PFKFB3: variants seen among roughly 807,000 people sequenced by gnomAD.
PFKFB3 encodes the protein 6-phosphofructo-2-kinase/fructose-2,6-bisphosphatase 3.
In PFKFB3, 33 loss-of-function variants were observed where a neutral mutation model predicts 68.0. The observed-to-expected ratio is 0.49, with a 90% confidence interval of 0.37 to 0.65. The LOEUF (loss-of-function observed/expected upper bound fraction) is 0.65. PFKFB3 is among the 30% of genes least tolerant of loss of function. PFKFB3 has a pLI of 0.00. For synonymous variants in PFKFB3, 315 were observed against 288.2 expected (o/e 1.09, Z -0.94); for missense variants, 586 against 712.2 (o/e 0.82, Z 2.02).
At chr10:6,253,999 G>A (rs937110165) in intron 14 of PFKFB3, among the ~76,000 whole-genome samples, 16 of 151,804 alleles carry the variant, frequency 1.1e-4, no homozygotes, top group Non-Finnish European at 2.4e-4. Flanking sequence ...AGCCGAGATC[G>A]TACCACTGCA....
the PFKFB3 span, among the ~76,000 whole-genome samples, chr10:6,287,151 A>G: frequency 2.0e-5 from 3 of 152,094 alleles, no homozygotes; most frequent in Non-Finnish European, 2.9e-5. Context: ...CAGTGGTGCA[A>G]TCTCAGCTCA....
chr10:6,225,109 C>G (rs1845247882), intron 13 of PFKFB3: 19 of 456,106 alleles, frequency 4.2e-5, no homozygotes, highest in South Asian at 2.8e-4. Context: ...GAGTGGGCCT[C>G]TGCTCAGGTG....
chr10:6,208,371 CTTTTT>C lies in PFKFB3; in HGVS notation c.76+5053_76+5057del, dbSNP rs35447462. ...ACAGGTGTAAGCCAGGGTACCTGGC[CTTTTT>C]TTTTTTTTTTTTTTTTTGCCTCTTA... On this transcript the variant is annotated intron_variant, in intron 1 of 14. Coordinates refer to ENST00000379775, the MANE Select transcript of PFKFB3 (RefSeq NM_004566.4). Among the ~76,000 whole-genome samples, 172 of 60,634 alleles carry C rather than the reference CTTTTT, an allele frequency of 2.8e-3. 3 individuals carry two copies. The highest frequency in any genetic ancestry group is 0.014 in the Middle Eastern group (1 of 70). The allele number at this position is 60,634 out of a possible 152,430, so 39.8% of individuals were successfully genotyped here. A position where few individuals can be genotyped will look rare whatever the true frequency, so the allele number is the denominator to read the frequency against.
chr10:6,212,091 G>C (rs1465720978), intron 1 of PFKFB3, among the ~76,000 whole-genome samples: 1 of 152,258 alleles, frequency 6.6e-6, no homozygotes, highest in Non-Finnish European at 1.5e-5. Context: ...TCTGTGTGCG[G>C]CTTTCAGAGG....
intron 1 of PFKFB3, among the ~76,000 whole-genome samples, chr10:6,180,856 G>A (rs11257103): frequency 0.35 from 53,806 of 152,096 alleles, 9,926 homozygotes; most frequent in East Asian, 0.62. Context: ...TACTCTGTGT[G>A]TTAGTTCTCT....
At chr10:6,314,868 C>T in the PFKFB3 span, among the ~76,000 whole-genome samples, 1 of 152,032 alleles carries the variant, frequency 6.6e-6, no homozygotes, top group Admixed American at 6.6e-5. Flanking sequence ...TGGGTCCTAC[C>T]CCAGGACGTC....
intron 14 of PFKFB3, among the ~76,000 whole-genome samples, chr10:6,242,428 CA>C (rs1450855888): frequency 1.3e-5 from 2 of 152,192 alleles, no homozygotes; most frequent in African/African-American, 4.8e-5. Context: ...CCCCTATGTA[CA>C]GAAGCAGGTA....
At chr10:6,274,495 C>T in the PFKFB3 span, among the ~76,000 whole-genome samples, 1 of 152,188 alleles carries the variant, frequency 6.6e-6, no homozygotes, top group Admixed American at 6.5e-5. Context: ...TCAATAGTGG[C>T]AAGTCTGAAA....
At chr10:6,325,606 C>A in the PFKFB3 span, among the ~76,000 whole-genome samples, 1 of 152,058 alleles carries the variant, frequency 6.6e-6, no homozygotes, top group Non-Finnish European at 1.5e-5. Context: ...TTCATGGAGA[C>A]AAAAATTTCC....
the PFKFB3 span, among the ~76,000 whole-genome samples, chr10:6,263,181 AG>A: frequency 6.6e-6 from 1 of 152,256 alleles, no homozygotes; most frequent in African/African-American, 2.4e-5. Flanking sequence ...ATTAACTAAA[AG>A]TATCCCTTAT....
At chr10:6,209,917 A>G (rs1844053583) in intron 1 of PFKFB3, among the ~76,000 whole-genome samples, 1 of 152,026 alleles carries the variant, frequency 6.6e-6, no homozygotes, top group Non-Finnish European at 1.5e-5. Context: ...GGCGCCTGCC[A>G]TCACGCCTGG....
rs373087658 is a variant in PFKFB3 at position 6,188,887 on chromosome 10, T to C, written c.17-24736T>C. On this transcript the variant is annotated intron_variant, in intron 1 of 14. Coordinates refer to the PFKFB3 transcript ENST00000379789. The stretch of plus-strand genomic sequence containing the variant: ...TCTCGCTCTGTCCCCCAGGCTGGAG[T>C]GCAGTGGCGCGATCTCGGCTCACTG... Among the ~76,000 whole-genome samples, 556 of 147,340 alleles carry C rather than the reference T, an allele frequency of 3.8e-3. 5 individuals are homozygous for C. The highest frequency in any genetic ancestry group is 0.013 in the African/African-American group (505 of 39,744).
At chr10:6,265,723 A>G in the PFKFB3 span, among the ~76,000 whole-genome samples, 8 of 152,006 alleles carry the variant, frequency 5.3e-5, no homozygotes, top group African/African-American at 1.9e-4. Context: ...AAGACATCCT[A>G]CTCCTCATCC....
chr10:6,176,593 C>G (rs1486819163), intron 1 of PFKFB3, among the ~76,000 whole-genome samples: 2 of 152,130 alleles, frequency 1.3e-5, no homozygotes, highest in Non-Finnish European at 2.9e-5. Flanking sequence ...TCTTTGTTGT[C>G]CAGGCTGTTC....
At chr10:6,189,969 A>T (rs961897478) in intron 1 of PFKFB3, among the ~76,000 whole-genome samples, 1 of 151,794 alleles carries the variant, frequency 6.6e-6, no homozygotes, top group Non-Finnish European at 1.5e-5. Context: ...TTTGAGATGG[A>T]GTCTCGCTTT....
chr10:6,260,021 T>C, the PFKFB3 span, among the ~76,000 whole-genome samples: 3,070 of 152,288 alleles, frequency 0.02, 124 homozygotes, highest in South Asian at 0.17. Context: ...TGTAATCTTT[T>C]TATGGTGAAG....
At chr10:6,286,419 T>A in the PFKFB3 span, among the ~76,000 whole-genome samples, 1 of 152,066 alleles carries the variant, frequency 6.6e-6, no homozygotes, top group African/African-American at 2.4e-5. Context: ...ACTCCGTCAC[T>A]CAGGCTGGAG....
intron 1 of PFKFB3, among the ~76,000 whole-genome samples, chr10:6,181,125 C>G (rs1344925705): frequency 6.6e-6 from 1 of 152,166 alleles, no homozygotes; most frequent in Non-Finnish European, 1.5e-5. Flanking sequence ...AGCTATCGCC[C>G]CACCTCAGCC....
downstream of PFKFB3, among the ~76,000 whole-genome samples, chr10:6,257,024 C>T (rs147216005): frequency 6.6e-6 from 1 of 152,228 alleles, no homozygotes; most frequent in African/African-American, 2.4e-5. Flanking sequence ...GGAAACATCA[C>T]AACAGCATCA....
Sources: gnomAD v4.1 joint callset for allele counts (sites outside exome capture counted in the v4.1 genomes callset) on GRCh38, gnomAD v4.1.1 for gene constraint, MANE v1.5 for transcripts, NCBI Gene and HGNC (gene_info 2026-07-23, HGNC 2026-07-21) for gene names.